Variants in PPP2R2A observed in about 807,000 individuals in gnomAD.
The protein encoded by PPP2R2A is serine/threonine-protein phosphatase 2A 55 kDa regulatory subunit B alpha isoform.
PPP2R2A carries 9 observed loss-of-function variants against 53.2 expected under a neutral mutation model. The observed-to-expected ratio is 0.17, with a 90% CI of 0.10 to 0.30. PPP2R2A has a LOEUF of 0.30. Among genes scored for constraint, PPP2R2A ranks in the 10% least tolerant of loss-of-function variants. PPP2R2A has a pLI of 1.00. For missense variants in PPP2R2A, 235 were observed against 534.6 expected (o/e 0.44, Z 5.53); for synonymous variants, 169 against 174.2 (o/e 0.97, Z 0.23).
intron 3 of PPP2R2A, among the ~76,000 whole-genome samples, chr8:26,340,959 A>C (rs1030068891): frequency 6.6e-6 from 1 of 152,100 alleles, no homozygotes; most frequent in Non-Finnish European, 1.5e-5. Flanking sequence ...CTAAAGTGCT[A>C]ATATTTTAAC....
intron 2 of PPP2R2A, among the ~76,000 whole-genome samples, chr8:26,310,591 T>C (rs73215698): frequency 0.23 from 35,003 of 151,450 alleles, 5,029 homozygotes; most frequent in Non-Finnish European, 0.32. Flanking sequence ...ATGAACATCC[T>C]TGTGAGAATC....
intron 2 of PPP2R2A, among the ~76,000 whole-genome samples, chr8:26,294,814 A>G (rs1015179655): frequency 2.6e-5 from 4 of 152,102 alleles, no homozygotes; most frequent in African/African-American, 9.7e-5. Flanking sequence ...GGTGAATCCT[A>G]TGGCAAGCCA....
chr8:26,292,269 T>G, intron 1 of PPP2R2A: 1 of 997,230 alleles, frequency 1.0e-6, no homozygotes, highest in Non-Finnish European at 1.2e-6. Context: ...CACATTTATT[T>G]TGCCTCGAGA....
chr8:26,313,107 C>T (rs1802370174), intron 2 of PPP2R2A, among the ~76,000 whole-genome samples: 1 of 150,640 alleles, frequency 6.6e-6, no homozygotes, highest in South Asian at 2.1e-4. Flanking sequence ...CATCTTGGCT[C>T]ACTGCAGCCT....
Position 26,363,851 on chromosome 8 carries a change from G to A in PPP2R2A, c.933G>A (p.Trp311Ter). The change falls in exon 8 of 10, where the codon TGG becomes TGA. Residue 311 changes from tryptophan to a stop codon, truncating the protein, a stop_gained. Transcript: ENST00000380737. LOFTEE classifies it high-confidence loss of function. ...GAGACTATTTGTCAGTCAAAATTTGGGACTTAAATATGGAAAACAGGCCTG... is the reference window on the plus strand; with the variant it reads ...GAGACTATTTGTCAGTCAAAATTTGAGACTTAAATATGGAAAACAGGCCTG... ...MTRDYLSVKIWDLNMENRPVE... is the reference protein window; with the variant it reads ...MTRDYLSVKI 1 of 1,602,482 alleles carries A rather than the reference G, an allele frequency of 6.2e-7. No individual in the cohort carries two copies. Among genetic ancestry groups the A allele is most frequent in the Non-Finnish European group, 8.5e-7 (1 of 1,172,384 alleles).
At position 26,362,603 on chromosome 8, in the gene PPP2R2A, A is replaced by T; in HGVS notation, c.638-81A>T. On this transcript the variant is annotated intron_variant, in intron 6 of 9. Transcript: ENST00000380737. The surrounding 1 kb of genome is among the most constrained non-coding windows in gnomAD (Gnocchi z 4.4). ...ATTAATATTTTTGCTTAGGTCCATG[A>T]ATGGGTTTTAGGTTTGAGAAATGTA... 7.4e-7 allele frequency: 1 copy of T among 1,347,440 alleles called. No individual in the cohort carries two copies. Among genetic ancestry groups the T allele is most frequent in the East Asian group, 2.4e-5 (1 of 41,634 alleles). The allele number at this position is 1,347,440 out of a possible 1,614,324, so 83.5% of individuals were successfully genotyped here. A position where few individuals can be genotyped will look rare whatever the true frequency, so the allele number is the denominator to read the frequency against.
intron 2 of PPP2R2A, among the ~76,000 whole-genome samples, chr8:26,332,705 A>G (rs1368292725): frequency 1.3e-5 from 2 of 152,242 alleles, no homozygotes; most frequent in African/African-American, 4.8e-5. Flanking sequence ...TTCTGAATAA[A>G]TATTTAAAAG....
rs1427281486 is a variant in PPP2R2A at position 26,321,105 on chromosome 8, C to T, written c.83-17785C>T. 6.6e-6 allele frequency among the ~76,000 whole-genome samples: 1 copy of T among 152,148 alleles called. No homozygotes were observed. The highest frequency in any genetic ancestry group is 6.5e-5 in the Admixed American group (1 of 15,282). On this transcript the variant is annotated intron_variant, in intron 2 of 9. Transcript: ENST00000380737. The surrounding 1 kb of genome is among the most constrained non-coding windows in gnomAD (Gnocchi z 4.1). ...AAACTAAAAAAATTTTAGCAGGAAA[C>T]AGTACAAACAAGAAACATCGTGAGA...
chr8:26,370,509 C>T lies in PPP2R2A; in HGVS notation c.*96C>T. Reference sequence around the variant, plus strand: ...TAAAAGAGAGAGGTCCATTGTGGCGCCCCTTTCCAGTGTTTGACAGTGTGC... The same window carrying T: ...TAAAAGAGAGAGGTCCATTGTGGCGTCCCTTTCCAGTGTTTGACAGTGTGC... On this transcript the variant is annotated 3_prime_UTR_variant, in exon 10 of 10. Transcript: ENST00000380737. The surrounding 1 kb of genome is among the most constrained non-coding windows in gnomAD (Gnocchi z 6.1). 1 of 1,401,112 alleles carries T rather than the reference C, an allele frequency of 7.1e-7. No individual in the cohort carries two copies. The highest frequency in any genetic ancestry group is 1.3e-5 in the South Asian group (1 of 75,750). The allele number at this position is 1,401,112 out of a possible 1,614,324, so 86.8% of individuals were successfully genotyped here.
At chr8:26,308,836 A>T (rs1563287230) in intron 2 of PPP2R2A, among the ~76,000 whole-genome samples, 1 of 152,058 alleles carries the variant, frequency 6.6e-6, no homozygotes, top group African/African-American at 2.4e-5. Context: ...ATCACTGTCT[A>T]TGTCAGTTAC....
intron 1 of PPP2R2A, chr8:26,293,174 G>A (rs1801383667): frequency 3.5e-6 from 5 of 1,434,040 alleles, no homozygotes; most frequent in African/African-American, 1.4e-5. Flanking sequence ...GCAAAGAAAT[G>A]GGTGTAGTGT....
At chr8:26,299,902 A>G (rs1801705231) in intron 2 of PPP2R2A, among the ~76,000 whole-genome samples, 1 of 152,220 alleles carries the variant, frequency 6.6e-6, no homozygotes, top group Non-Finnish European at 1.5e-5. Context: ...CTAATGACCT[A>G]TGGTAAAGGT....
At chr8:26,368,811 AATAC>A (rs763734728) in intron 9 of PPP2R2A, among the ~76,000 whole-genome samples, 14 of 152,070 alleles carry the variant, frequency 9.2e-5, no homozygotes, top group Non-Finnish European at 1.5e-4. Context: ...TGTCTTGAAA[AATAC>A]ATATATATAG....
chr8:26,366,740 G>A (rs986957118), intron 9 of PPP2R2A, among the ~76,000 whole-genome samples: 3 of 152,012 alleles, frequency 2.0e-5, no homozygotes, highest in Admixed American at 6.6e-5. Flanking sequence ...ACATTCAGGC[G>A]GCAGATAACT....
At chr8:26,369,625 G>A (rs1049311009) in intron 9 of PPP2R2A, among the ~76,000 whole-genome samples, 4 of 152,028 alleles carry the variant, frequency 2.6e-5, no homozygotes, top group Admixed American at 6.6e-5. Flanking sequence ...ATCTCCTGAC[G>A]TCGTGATCTG....
chr8:26,346,142 TTA>T (rs1287331634), intron 3 of PPP2R2A, among the ~76,000 whole-genome samples: 3 of 150,468 alleles, frequency 2.0e-5, no homozygotes, highest in Non-Finnish European at 4.4e-5. Context: ...ATTATTATTA[TTA>T]TTATTTATTT....
Position 26,291,825 on chromosome 8 carries a change from A to T in PPP2R2A, c.6A>T (p.Ala2=). The change falls in exon 1 of 10, where the codon GCA becomes GCT. Residue 2 remains alanine, a splice_region_variant and synonymous_variant. Transcript: ENST00000380737. The part of the protein sequence containing the change: M[A]GAGGGNDIQW... ...GTCACCATTTGCAGCGCAACATGGC[A>T]GGTAAAGGAGAAATCCCCCTCGCCC... 1 of 1,609,138 alleles carries T rather than the reference A, an allele frequency of 6.2e-7. No homozygotes were observed. Among genetic ancestry groups the T allele is most frequent in the Non-Finnish European group, 8.5e-7 (1 of 1,178,182 alleles).
At chr8:26,330,824 G>C (rs1461714729) in intron 2 of PPP2R2A, among the ~76,000 whole-genome samples, 1 of 152,174 alleles carries the variant, frequency 6.6e-6, no homozygotes, top group African/African-American at 2.4e-5. Context: ...ACATTGTAGA[G>C]TGTTGGATTT....
intron 2 of PPP2R2A, among the ~76,000 whole-genome samples, chr8:26,300,109 T>C (rs1437902346): frequency 1.3e-5 from 2 of 152,332 alleles, no homozygotes; most frequent in Admixed American, 1.3e-4. Context: ...TACTAAGTTT[T>C]TTCACATTCA....
Sources: gnomAD v4.1 joint callset for allele counts (sites outside exome capture counted in the v4.1 genomes callset) on GRCh38, gnomAD v4.1.1 for gene constraint, Gnocchi (gnomAD v3.1) non-coding constraint, MANE v1.5 for transcripts, NCBI Gene and HGNC (gene_info 2026-07-23, HGNC 2026-07-21) for gene names.